CSMD1: variants seen among roughly 807,000 people sequenced by gnomAD.
The protein encoded by CSMD1 is CUB and Sushi multiple domains 1, also known as CUB and sushi domain-containing protein 1.
Under a neutral mutation model 417.5 loss-of-function variants are expected in CSMD1, and 213 were observed. The observed-to-expected ratio is 0.51, with a 90% CI of 0.46 to 0.57. The LOEUF is 0.57. Among genes scored for constraint, CSMD1 ranks in the 20% least tolerant of loss-of-function variants. The pLI, the probability that CSMD1 is intolerant of heterozygous loss-of-function variation, is 0.00. For synonymous variants in CSMD1, 2,862 were observed against 1,736.8 expected, an observed-to-expected ratio of 1.65 and a Z score of -16.11; for missense variants, 6,923 against 4,529.7, an observed-to-expected ratio of 1.53 and a Z score of -15.17.
At chr8:4,001,501 G>C (rs1264124986) in intron 4 of CSMD1, among the ~76,000 whole-genome samples, 1 of 152,136 alleles carries the variant, frequency 6.6e-6, no homozygotes, top group Non-Finnish European at 1.5e-5. Flanking sequence ...AACTGTGCTG[G>C]TGCCCACCCC....
At chr8:4,412,261 C>T (rs778318443) in intron 3 of CSMD1, among the ~76,000 whole-genome samples, 1 of 152,054 alleles carries the variant, frequency 6.6e-6, no homozygotes, top group Non-Finnish European at 1.5e-5. Context: ...CATGGTGGGG[C>T]AGATTTCTCA....
chr8:3,280,845 GTCT>G (rs911175804), intron 26 of CSMD1, among the ~76,000 whole-genome samples: 24 of 152,038 alleles, frequency 1.6e-4, no homozygotes, highest in African/African-American at 4.6e-4. Flanking sequence ...ATAATAAAGG[GTCT>G]TCTTCTTTTT....
chr8:3,112,012 C>G (rs764047973), intron 42 of CSMD1, among the ~76,000 whole-genome samples: 24 of 151,778 alleles, frequency 1.6e-4, no homozygotes, highest in South Asian at 2.1e-4. Context: ...TCCTTGTCAC[C>G]GCTTCCTTAA....
chr8:3,498,603 T>G (rs1449645066), intron 10 of CSMD1, among the ~76,000 whole-genome samples: 2 of 152,212 alleles, frequency 1.3e-5, no homozygotes, highest in Non-Finnish European at 2.9e-5. Context: ...TACACCTTTC[T>G]GATCTCTTCT....
intron 1 of CSMD1, among the ~76,000 whole-genome samples, chr8:4,926,290 T>C (rs1242903533): frequency 6.6e-6 from 1 of 152,194 alleles, no homozygotes; most frequent in Non-Finnish European, 1.5e-5. Flanking sequence ...GAATTTTTTT[T>C]GGTTCTAACG....
chr8:3,824,850 G>T (rs186757151), intron 5 of CSMD1, among the ~76,000 whole-genome samples: 10 of 151,870 alleles, frequency 6.6e-5, no homozygotes, highest in African/African-American at 2.4e-4. Context: ...AATGACACAG[G>T]GTTTCAATTA....
chr8:3,156,274 G>C (rs1819525358), intron 39 of CSMD1, among the ~76,000 whole-genome samples: 1 of 152,168 alleles, frequency 6.6e-6, no homozygotes, highest in Non-Finnish European at 1.5e-5. Context: ...CAATACTTGA[G>C]TGTTCGAAGA....
intron 2 of CSMD1, among the ~76,000 whole-genome samples, chr8:4,443,184 T>C (rs767260251): frequency 3.9e-5 from 6 of 152,226 alleles, no homozygotes; most frequent in Non-Finnish European, 7.3e-5. Flanking sequence ...TACAGTGATA[T>C]ATTACTGAGT....
intron 3 of CSMD1, among the ~76,000 whole-genome samples, chr8:4,111,174 G>A (rs1365343413): frequency 6.6e-6 from 1 of 152,116 alleles, no homozygotes; most frequent in Non-Finnish European, 1.5e-5. Flanking sequence ...AAGTTTCCCT[G>A]TTCCCAATAT....
intron 1 of CSMD1, among the ~76,000 whole-genome samples, chr8:4,811,030 T>G: frequency 6.6e-6 from 1 of 152,330 alleles, no homozygotes; most frequent in East Asian, 1.9e-4. Flanking sequence ...CCCAGTGAAA[T>G]GGGCATCACA....
intron 2 of CSMD1, among the ~76,000 whole-genome samples, chr8:4,540,751 G>C (rs1797341183): frequency 2.0e-5 from 3 of 152,220 alleles, no homozygotes; most frequent in African/African-American, 7.2e-5. Flanking sequence ...ACTAAGGGCT[G>C]TCCACTTACC....
chr8:4,346,442 T>C (rs1405761230), intron 3 of CSMD1, among the ~76,000 whole-genome samples: 1 of 152,104 alleles, frequency 6.6e-6, no homozygotes, highest in African/African-American at 2.4e-5. Context: ...ATCTGGCCCT[T>C]TAAAGCAAGG....
chr8:3,411,106 A>C (rs1416069024), intron 12 of CSMD1, among the ~76,000 whole-genome samples: 1 of 152,150 alleles, frequency 6.6e-6, no homozygotes, highest in Non-Finnish European at 1.5e-5. Context: ...ATGCAGGAAG[A>C]AGGCACTGCA....
chr8:3,452,224 A>G (rs1003660421), intron 12 of CSMD1, among the ~76,000 whole-genome samples: 4 of 152,160 alleles, frequency 2.6e-5, no homozygotes, highest in African/African-American at 7.2e-5. Context: ...GGGCTGAGAC[A>G]ATGGGGTTTT....
intron 5 of CSMD1, among the ~76,000 whole-genome samples, chr8:3,869,698 G>C (rs555316267): frequency 3.3e-5 from 5 of 152,226 alleles, no homozygotes; most frequent in Middle Eastern, 3.4e-3. Flanking sequence ...GCGCAGCCAG[G>C]AGCATGTGGG....
intron 1 of CSMD1, among the ~76,000 whole-genome samples, chr8:4,909,745 A>G (rs181246184): frequency 3.3e-5 from 5 of 152,270 alleles, no homozygotes; most frequent in Admixed American, 2.6e-4. Context: ...TCTCACCTGT[A>G]TATAGCTCCT....
At chr8:3,843,524 A>T (rs1336580698) in intron 5 of CSMD1, among the ~76,000 whole-genome samples, 2 of 152,280 alleles carry the variant, frequency 1.3e-5, no homozygotes, top group Non-Finnish European at 2.9e-5. Context: ...AAAAATGTGA[A>T]ACTATATAAA....
intron 5 of CSMD1, among the ~76,000 whole-genome samples, chr8:3,975,946 T>A (rs1813406626): frequency 6.6e-6 from 1 of 152,060 alleles, no homozygotes; most frequent in East Asian, 1.9e-4. Flanking sequence ...ATGTTTTATC[T>A]ATCAGTTTTT....
At chr8:4,440,141 A>G (rs925920988) in intron 2 of CSMD1, among the ~76,000 whole-genome samples, 2 of 152,156 alleles carry the variant, frequency 1.3e-5, no homozygotes, top group African/African-American at 4.8e-5. Flanking sequence ...TTTGGTGTAA[A>G]TTTCTTGCTA....
Sources: gnomAD v4.1 joint callset for allele counts (sites outside exome capture counted in the v4.1 genomes callset) on GRCh38, gnomAD v4.1.1 for gene constraint, MANE v1.5 for transcripts, NCBI Gene and HGNC (gene_info 2026-07-23, HGNC 2026-07-21) for gene names.